IL16: variants seen among roughly 807,000 people sequenced by gnomAD.
The protein encoded by IL16 is pro-interleukin-16.
Under a neutral mutation model 110.1 loss-of-function variants are expected in IL16, and 67 were observed. The observed-to-expected ratio is 0.61, with a 90% CI of 0.50 to 0.75. IL16 has a LOEUF of 0.75. IL16 is among the 30% of genes least tolerant of loss of function. The pLI is 0.00. For missense variants in IL16, 1,545 were observed against 1,655.0 expected (o/e 0.93, Z 1.15); for synonymous variants, 689 against 662.9 (o/e 1.04, Z -0.61).
intron 13 of IL16, among the ~76,000 whole-genome samples, chr15:81,297,854 C>G (rs543579126): frequency 6.7e-6 from 1 of 149,896 alleles, no homozygotes; most frequent in African/African-American, 2.5e-5. Context: ...CTAGTAGTGG[C>G]AGGAAATAAA....
At chr15:81,204,678 G>A (rs1895945243) in intron 1 of IL16, among the ~76,000 whole-genome samples, 2 of 151,250 alleles carry the variant, frequency 1.3e-5, no homozygotes, top group Non-Finnish European at 2.9e-5. Flanking sequence ...CATGGCACAT[G>A]TATACGTATG....
chr15:81,218,359 C>T (rs1023857029), intron 1 of IL16, among the ~76,000 whole-genome samples: 2 of 151,910 alleles, frequency 1.3e-5, no homozygotes, highest in African/African-American at 4.8e-5. Flanking sequence ...AAAATTTGAA[C>T]GAATATAGAA....
rs1555411597 is a variant in IL16, at chr15:81,199,030, A to AAAAT, written c.-102+1879_-102+1880insAATA. 2.1e-3 allele frequency among the ~76,000 whole-genome samples: 219 copies of AAAAT among 104,108 alleles called. 2 individuals carry two copies. Among genetic ancestry groups the AAAAT allele is most frequent in the East Asian group, 5.1e-3 (16 of 3,168 alleles). 68.3% of individuals were successfully genotyped at this position (104,108 alleles called of 152,430 possible). A position where few individuals can be genotyped will look rare whatever the true frequency, so the allele number is the denominator to read the frequency against. ...GGGAGACTCCATCTCAAAAAAAAAA[A>AAAAT]ATATATATATATATATATATATATA... is the stretch of plus-strand genomic sequence containing the variant. On this transcript the variant is annotated intron_variant, in intron 1 of 18. Transcript: ENST00000683961.
At chr15:81,262,227 G>A (rs142934527) in intron 3 of IL16, among the ~76,000 whole-genome samples, 170 of 152,006 alleles carry the variant, frequency 1.1e-3, no homozygotes, top group African/African-American at 3.9e-3. Context: ...AATATTTGAC[G>A]TCATACTTGT....
At chr15:81,212,166 T>C (rs1359835280) in intron 1 of IL16, among the ~76,000 whole-genome samples, 1 of 152,150 alleles carries the variant, frequency 6.6e-6, no homozygotes, top group Non-Finnish European at 1.5e-5. Context: ...TATTACTGAT[T>C]CAATTTCAGT....
intron 6 of IL16, among the ~76,000 whole-genome samples, chr15:81,277,526 C>A (rs1898969147): frequency 6.6e-6 from 1 of 151,796 alleles, no homozygotes; most frequent in Non-Finnish European, 1.5e-5. Flanking sequence ...CTCACTGCAG[C>A]CTTGATCTCC....
At chr15:81,195,601 A>C (rs1161034002), upstream of IL16, among the ~76,000 whole-genome samples, 3 of 152,174 alleles carry the variant, frequency 2.0e-5, no homozygotes, top group Non-Finnish European at 4.4e-5. Flanking sequence ...TGTGTTCTCC[A>C]GCAGCAGCGG....
At chr15:81,242,041 C>G (rs1256620455) in intron 2 of IL16, among the ~76,000 whole-genome samples, 1 of 150,740 alleles carries the variant, frequency 6.6e-6, no homozygotes, top group African/African-American at 2.4e-5. Flanking sequence ...CCTGCTGCAT[C>G]TTTGTCACAT....
intron 15 of IL16, among the ~76,000 whole-genome samples, chr15:81,302,644 G>A (rs778467110): frequency 3.9e-5 from 6 of 152,146 alleles, no homozygotes; most frequent in African/African-American, 1.4e-4. Flanking sequence ...TTTGACATAA[G>A]TTTACTCCTT....
chr15:81,313,516 G>A lies in IL16; in HGVS notation c.*4718G>A, dbSNP rs1468634594. On this transcript the variant is annotated 3_prime_UTR_variant, in exon 19 of 19. Transcript: ENST00000683961. ...TGGAAATGGCCATGATACAGTGATC[G>A]CGTCTCATCCCTTGCTGTGCCCTCC... 7 of 1,057,442 alleles carry A rather than the reference G, an allele frequency of 6.6e-6. No individual in the cohort carries two copies. The highest frequency in any genetic ancestry group is 4.9e-5 in the South Asian group (2 of 40,544). The allele number at this position is 1,057,442 out of a possible 1,614,324, so 65.5% of individuals were successfully genotyped here. A position where few individuals can be genotyped will look rare whatever the true frequency, so the allele number is the denominator to read the frequency against.
At chr15:81,257,904 A>ATTTTTGGATAT (rs1342381225) in intron 2 of IL16, among the ~76,000 whole-genome samples, 2 of 152,136 alleles carry the variant, frequency 1.3e-5, no homozygotes, top group Admixed American at 1.3e-4. Context: ...AAGATTCTAT[A>ATTTTTGGATAT]CTCAGCCAAT....
At chr15:81,228,053 A>G (rs950761237) in intron 2 of IL16, among the ~76,000 whole-genome samples, 3 of 152,138 alleles carry the variant, frequency 2.0e-5, no homozygotes. Flanking sequence ...GCGCAGTTGT[A>G]CTAAGCAGAG....
At chr15:81,232,054 T>G (rs28865883) in intron 2 of IL16, among the ~76,000 whole-genome samples, 21,038 of 132,480 alleles carry the variant, frequency 0.16, 895 homozygotes, top group African/African-American at 0.33. Context: ...TTTTTTTTTT[T>G]TTTTTTTTTT....
At chr15:81,209,471 C>A (rs1012033241) in intron 1 of IL16, among the ~76,000 whole-genome samples, 6 of 151,986 alleles carry the variant, frequency 3.9e-5, no homozygotes, top group African/African-American at 1.2e-4. Context: ...AAGTCTGAGG[C>A]AGGGATGAAC....
chr15:81,279,522 G>A, intron 7 of IL16, 36 bp from the exon 8 acceptor site: 2 of 1,472,972 alleles, frequency 1.4e-6, no homozygotes, highest in Middle Eastern at 1.8e-4. Flanking sequence ...ACCCTGGATT[G>A]CTGCTGGGTG....
intron 1 of IL16, among the ~76,000 whole-genome samples, chr15:81,203,634 A>G (rs1255783096): frequency 6.6e-6 from 1 of 151,992 alleles, no homozygotes; most frequent in East Asian, 1.9e-4. Flanking sequence ...ATAGTTGTAG[A>G]TATGCGGCAT....
intron 13 of IL16, among the ~76,000 whole-genome samples, chr15:81,298,531 C>T (rs1281874035): frequency 2.0e-5 from 3 of 152,228 alleles, no homozygotes; most frequent in Admixed American, 1.3e-4. Context: ...ATCCCCTGCT[C>T]ATCACATTCC....
intron 3 of IL16, 36 bp downstream of exon 3, chr15:81,259,916 C>G: frequency 7.8e-7 from 1 of 1,287,598 alleles, no homozygotes; most frequent in Non-Finnish European, 1.1e-6. Flanking sequence ...AGGAACAGAG[C>G]TCAGCTGTTC....
rs1393996602 is a variant in IL16 at position 81,305,952 on chromosome 15, T to G, written c.3465T>G (p.Thr1155=). 1 of 1,614,248 alleles carries G rather than the reference T, an allele frequency of 6.2e-7. No individual in the cohort carries two copies. The highest frequency in any genetic ancestry group is 1.3e-5 in the African/African-American group (1 of 75,064). ...ATGGGCTGGCCTCCCAGGAAGGGAC[T>G]ATTCAGAAGGGCAATGAGGTTCTTT... is the stretch of plus-strand genomic sequence containing the variant. ...FPNGLASQEG[T]IQKGNEVLSI... is the part of the protein sequence containing the mutation. The change falls in exon 17 of 19, where the codon ACT becomes ACG. Residue 1155 remains threonine (T), a synonymous_variant. Coordinates refer to ENST00000683961, the MANE Select transcript of IL16 (RefSeq NM_172217.5).
Sources: allele counts gnomAD v4.1 joint callset (sites outside exome capture counted in the v4.1 genomes callset), GRCh38; gene constraint gnomAD v4.1.1; transcripts MANE v1.5; gene names NCBI Gene and HGNC (gene_info 2026-07-23, HGNC 2026-07-21).